Variants in FAM110B observed in about 807,000 individuals in gnomAD.
FAM110B encodes protein FAM110B.
A neutral mutation model predicts 20.4 loss-of-function variants in FAM110B; 6 were observed. That is an observed-to-expected ratio of 0.29 (90% confidence interval 0.16 to 0.58). The LOEUF (loss-of-function observed/expected upper bound fraction) is 0.58. Among genes scored for constraint, FAM110B ranks in the 20% least tolerant of loss-of-function variants. FAM110B has a pLI of 0.90. For synonymous variants in FAM110B, 226 were observed against 214.1 expected, an observed-to-expected ratio of 1.06 and a Z score of -0.49; for missense variants, 434 against 498.2, an observed-to-expected ratio of 0.87 and a Z score of 1.23.
chr8:58,119,257 G>A (rs933094784), intron 3 of FAM110B, among the ~76,000 whole-genome samples: 1 of 152,178 alleles, frequency 6.6e-6, no homozygotes, highest in African/African-American at 2.4e-5. Context: ...GTAAACAACA[G>A]AAGTTTATTT....
intron 1 of FAM110B, among the ~76,000 whole-genome samples, chr8:58,016,149 C>G (rs1240430017): frequency 1.3e-5 from 2 of 152,144 alleles, no homozygotes; most frequent in African/African-American, 4.8e-5. Flanking sequence ...AACACATGCT[C>G]TCATTGCCAC....
intron 3 of FAM110B, among the ~76,000 whole-genome samples, chr8:58,090,927 T>C (rs1398447322): frequency 2.0e-5 from 3 of 152,220 alleles, no homozygotes; most frequent in Non-Finnish European, 4.4e-5. Flanking sequence ...GTAGTAAATA[T>C]AGCAGTTAAC....
chr8:58,142,358 A>G (rs772866489), intron 3 of FAM110B, among the ~76,000 whole-genome samples: 11 of 152,194 alleles, frequency 7.2e-5, no homozygotes, highest in Non-Finnish European at 1.6e-4. Flanking sequence ...CTACCAAATC[A>G]GACTGTGCTT....
At chr8:58,087,826 C>T (rs1439557837) in intron 3 of FAM110B, among the ~76,000 whole-genome samples, 1 of 152,168 alleles carries the variant, frequency 6.6e-6, no homozygotes, top group African/African-American at 2.4e-5. Context: ...TACTGATCCT[C>T]AAAGTTTTTA....
intron 3 of FAM110B, among the ~76,000 whole-genome samples, chr8:58,077,418 G>T (rs1031099109): frequency 3.3e-5 from 5 of 152,168 alleles, no homozygotes; most frequent in Non-Finnish European, 4.4e-5. Context: ...CTTGTATGTG[G>T]CTGCGTGATG....
At chr8:58,107,686 T>A (rs923784351) in intron 3 of FAM110B, among the ~76,000 whole-genome samples, 8 of 152,232 alleles carry the variant, frequency 5.3e-5, no homozygotes, top group Non-Finnish European at 1.2e-4. Context: ...GGATTATTTT[T>A]AATGCATCAG....
chr8:58,052,368 G>A (rs997380155), intron 2 of FAM110B, among the ~76,000 whole-genome samples: 3 of 152,142 alleles, frequency 2.0e-5, no homozygotes, highest in Admixed American at 6.5e-5. Flanking sequence ...GTATAGAGAT[G>A]TTGAGATCCT....
At chr8:57,997,325 T>C (rs1448500909) in intron 1 of FAM110B, among the ~76,000 whole-genome samples, 1 of 152,228 alleles carries the variant, frequency 6.6e-6, no homozygotes, top group East Asian at 1.9e-4. Context: ...ATTTGTACTT[T>C]ATATGTTCAA....
chr8:58,072,882 A>G (rs552509449), intron 2 of FAM110B, among the ~76,000 whole-genome samples: 163 of 152,354 alleles, frequency 1.1e-3, no homozygotes, highest in Non-Finnish European at 1.7e-3. Context: ...GGTGTGGAAA[A>G]TATTTGTGAA....
At chr8:58,091,433 C>T (rs1237518396) in intron 3 of FAM110B, 1 of 152,144 alleles carries the variant, frequency 6.6e-6, no homozygotes. Context: ...CTCGCCAAGG[C>T]CCTGCTGGAC....
chr8:58,125,917 CTA>C (rs35058303), intron 3 of FAM110B, among the ~76,000 whole-genome samples: 52,584 of 151,924 alleles, frequency 0.35, 11,560 homozygotes, highest in African/African-American at 0.64. Flanking sequence ...CCTCCCATGG[CTA>C]TATGTCTTAT....
chr8:58,061,638 A>G (rs568335738), intron 2 of FAM110B, among the ~76,000 whole-genome samples: 1 of 152,358 alleles, frequency 6.6e-6, no homozygotes, highest in African/African-American at 2.4e-5. Context: ...GACCCAAGAA[A>G]GTTTCCTGAA....
At chr8:58,123,738 C>T (rs532069256) in intron 3 of FAM110B, among the ~76,000 whole-genome samples, 43 of 152,292 alleles carry the variant, frequency 2.8e-4, no homozygotes, top group African/African-American at 9.4e-4. Flanking sequence ...TTAAGCATGA[C>T]TTCTCCTTTA....
At chr8:57,999,898 G>T (rs373899589) in intron 1 of FAM110B, among the ~76,000 whole-genome samples, 3 of 151,916 alleles carry the variant, frequency 2.0e-5, no homozygotes, top group Non-Finnish European at 2.9e-5. Flanking sequence ...GGCATGTGTG[G>T]GACTAAATAT....
intron 3 of FAM110B, chr8:58,101,137 A>C (rs1167694467): frequency 6.6e-6 from 1 of 152,046 alleles, no homozygotes; most frequent in Non-Finnish European, 1.5e-5. Flanking sequence ...AGATCGTGCT[A>C]CTGTGCTCCA....
At chr8:58,054,263 A>T (rs1805510726) in intron 2 of FAM110B, among the ~76,000 whole-genome samples, 1 of 152,232 alleles carries the variant, frequency 6.6e-6, no homozygotes, top group African/African-American at 2.4e-5. Flanking sequence ...GAGTGGAGGC[A>T]TGAAGGTGGA....
intron 3 of FAM110B, among the ~76,000 whole-genome samples, chr8:58,090,342 G>A (rs955224633): frequency 6.6e-6 from 1 of 152,142 alleles, no homozygotes; most frequent in African/African-American, 2.4e-5. Context: ...TGTGTTTCTA[G>A]TAGTGACAGA....
chr8:58,117,660 A>G (rs954923755), intron 3 of FAM110B, among the ~76,000 whole-genome samples: 2 of 152,170 alleles, frequency 1.3e-5, no homozygotes, highest in Non-Finnish European at 2.9e-5. Context: ...CCCCTGCCTC[A>G]TAGAGTCATT....
In FAM110B at chr8:58,146,543, G is replaced by A; in HGVS notation, c.313G>A (p.Ala105Thr). ...SPTLKVFGNH[A>T]KTESGVQREN... ...CACGCTCAAAGTGTTCGGCAACCAC[G>A]CCAAGACCGAGAGCGGCGTGCAGAG... The change falls in exon 4 of 4, where the codon GCC (alanine) becomes ACC (threonine). Residue 105 changes from alanine to threonine, a missense_variant. Ala to Thr is a moderately conservative substitution (Grantham distance 58, BLOSUM62 0). Transcript: ENST00000519262. 1.2e-6 allele frequency: 2 copies of A among 1,613,978 alleles called. No individual in the cohort carries two copies. Among genetic ancestry groups the A allele is most frequent in the Non-Finnish European group, 1.7e-6 (2 of 1,179,944 alleles).
Sources: gnomAD v4.1 joint callset for allele counts (sites outside exome capture counted in the v4.1 genomes callset) on GRCh38, gnomAD v4.1.1 for gene constraint, MANE v1.5 for transcripts, NCBI Gene and HGNC (gene_info 2026-07-23, HGNC 2026-07-21) for gene names.